CELSR1: variants seen among roughly 807,000 people sequenced by gnomAD.
The protein encoded by CELSR1 is cadherin EGF LAG seven-pass G-type receptor 1.
In CELSR1, 110 loss-of-function variants were observed where a neutral mutation model predicts 249.1. The observed-to-expected ratio is 0.44, with a 90% CI of 0.38 to 0.52. The LOEUF (loss-of-function observed/expected upper bound fraction) is 0.52, where lower values mean the gene tolerates loss of function less well. Among genes scored for constraint, CELSR1 ranks in the 20% least tolerant of loss-of-function variants. CELSR1 has a pLI of 0.00. For missense variants in CELSR1, 4,109 were observed against 4,296.4 expected (o/e 0.96, Z 1.22); for synonymous variants, 2,113 against 1,900.0 (o/e 1.11, Z -2.92).
chr22:46,371,898 TCTCCATCCCTCCATCCAC>T (rs2078855992), intron 25 of CELSR1, among the ~76,000 whole-genome samples: 1 of 114,478 alleles, frequency 8.7e-6, no homozygotes, highest in African/African-American at 3.9e-5. Flanking sequence ...TCCACCCACC[TCTCCATCCCTCCATCCAC>T]CCACCCACCC....
chr22:46,427,625 C>A lies in CELSR1; in HGVS notation c.4611+5768G>T, dbSNP rs765454627. On this transcript the variant is annotated intron_variant, in intron 5 of 34. Transcript: ENST00000674500. This position sits in a 1 kb window ranked among gnomAD's most constrained non-coding sequence, Gnocchi z 4.2. ...CTCCTCCCCTCATCACCGCACAGAA[C>A]CCCACCGCACTGTTGGCAATGGTTG... Among the ~76,000 whole-genome samples, 1 of 152,192 alleles carries A rather than the reference C, an allele frequency of 6.6e-6. No individual in the cohort carries two copies.
chr22:46,481,392 G>A, intron 1 of CELSR1: 1 of 1,104,806 alleles, frequency 9.1e-7, no homozygotes, highest in South Asian at 1.3e-5. Context: ...GGTGCATGTG[G>A]TCATCCACAC....
chr22:46,401,527 G>A lies in CELSR1; in HGVS notation c.5227-1625C>T, dbSNP rs779157296. 8.5e-5 allele frequency among the ~76,000 whole-genome samples: 13 copies of A among 152,288 alleles called. No individual in the cohort carries two copies. Among genetic ancestry groups the A allele is most frequent in the South Asian group, 8.3e-4 (4 of 4,828 alleles). On this transcript the variant is annotated intron_variant, in intron 9 of 34. Transcript: ENST00000674500. The surrounding 1 kb of genome is among the most constrained non-coding windows in gnomAD (Gnocchi z 4.7). Reference sequence around the variant, plus strand: ...CTGGAAGACACAGTGGAGGCTGAGCGTGCAGTCAGGTCACGGCTGCCAGGT... The same window carrying A: ...CTGGAAGACACAGTGGAGGCTGAGCATGCAGTCAGGTCACGGCTGCCAGGT...
intron 1 of CELSR1, chr22:46,530,443 A>G (rs2080780475): frequency 6.6e-6 from 1 of 151,984 alleles, no homozygotes; most frequent in Non-Finnish European, 1.5e-5. Context: ...ACTGTCCAGA[A>G]AGAAGGCAGA....
In CELSR1 at chr22:46,445,207, A is replaced by G. The variant is rs780217317; in HGVS notation, c.4184-5796T>C. Among the ~76,000 whole-genome samples the G allele has an allele frequency of 6.8e-6, 1 of 147,980 alleles. No homozygotes were observed. Among genetic ancestry groups the G allele is most frequent in the South Asian group, 2.2e-4 (1 of 4,594 alleles). On this transcript the variant is annotated intron_variant, in intron 2 of 34. Coordinates refer to ENST00000674500, the MANE Select transcript of CELSR1 (RefSeq NM_001378328.1). This position sits in a 1 kb window ranked among gnomAD's most constrained non-coding sequence, Gnocchi z 4.4. ...GCGAAACTCCACCTCAAAAATAAAA[A>G]ATAAGGCTGGGTGTAGTGGCTCAGG...
rs1157544819 is a variant in CELSR1 at position 46,526,025 on chromosome 22, A to G, written c.3544+7602T>C. Among the ~76,000 whole-genome samples, 1 of 152,188 alleles carries G rather than the reference A, an allele frequency of 6.6e-6. No homozygotes were observed. The highest frequency in any genetic ancestry group is 1.5e-5 in the Non-Finnish European group (1 of 68,026). ...CCTAGACTTTTAAAAATGGTCTCTC[A>G]ACACCCTGGTCGGTACATGGGGCCA... On this transcript the variant is annotated intron_variant, in intron 1 of 34. Coordinates refer to ENST00000674500, the MANE Select transcript of CELSR1 (RefSeq NM_001378328.1). The surrounding 1 kb of genome is among the most constrained non-coding windows in gnomAD (Gnocchi z 4.7).
At chr22:46,508,858 G>A (rs897551487) in intron 1 of CELSR1, among the ~76,000 whole-genome samples, 15 of 152,158 alleles carry the variant, frequency 9.9e-5, no homozygotes, top group African/African-American at 3.4e-4. Context: ...GGGAAACTGG[G>A]CCCCGGGGAC....
rs1006791705 is a variant in CELSR1, at chr22:46,374,256, T to G, written c.7585-1199A>C. 6.6e-6 allele frequency among the ~76,000 whole-genome samples: 1 copy of G among 152,222 alleles called. No homozygotes were observed. The highest frequency in any genetic ancestry group is 2.4e-5 in the African/African-American group (1 of 41,468). ...AAAAGGAAGGGGGTGAGAAGGTTGG[T>G]TGGCTGGATGGCTGCTTCAAGTAAT... On this transcript the variant is annotated intron_variant, in intron 24 of 34. Transcript: ENST00000674500. This position sits in a 1 kb window ranked among gnomAD's most constrained non-coding sequence, Gnocchi z 4.3.
At position 46,384,516 on chromosome 22, in the gene CELSR1, C is replaced by T. The variant is rs187070308; in HGVS notation, c.6883+27G>A. The T allele has an allele frequency of 2.3e-5, 36 of 1,566,802 alleles. 1 individual carries two copies. In the East Asian group the frequency reaches 8.3e-4, roughly 36 times the overall value. ...CCCTGAACGCTGGGGACTCCGAGGG[C>T]AGCAGCAGGTTTCTAAGCGGTTTTA... is the stretch of plus-strand genomic sequence containing the variant. On this transcript the variant is annotated intron_variant, in intron 20 of 34. Coordinates refer to ENST00000674500, the MANE Select transcript of CELSR1 (RefSeq NM_001378328.1).
At chr22:46,489,378 T>C (rs1244965945) in intron 1 of CELSR1, among the ~76,000 whole-genome samples, 1 of 150,104 alleles carries the variant, frequency 6.7e-6, no homozygotes, top group African/African-American at 2.5e-5. Flanking sequence ...TGAGAAGAAA[T>C]TGCAATCCGT....
chr22:46,391,239 G>A lies in CELSR1; in HGVS notation c.6197C>T (p.Pro2066Leu). The A allele has an allele frequency of 1.2e-6, 2 of 1,613,726 alleles. No individual in the cohort carries two copies. Among genetic ancestry groups the A allele is most frequent in the Non-Finnish European group, 1.7e-6 (2 of 1,180,008 alleles). ...PKAFEAGIWW[P>L]QTKFGQPAAV... ...AGCCGGCTGCCCGAACTTGGTCTGT[G>A]GCCACCAGATGCCGGCCTCAAATGC... Residue 2066 changes from proline to leucine, a missense_variant, in exon 16 of 35, where the codon CCA becomes CTA. Pro to Leu is a moderately conservative substitution (Grantham distance 98). This residue lies in a region of CELSR1 where 1,805 missense variants were observed against 1,831.6 expected (regional missense o/e 0.99). Coordinates refer to ENST00000674500, the MANE Select transcript of CELSR1 (RefSeq NM_001378328.1). The surrounding 1 kb of genome is among the most constrained non-coding windows in gnomAD (Gnocchi z 4.3).
chr22:46,535,884 G>T lies in CELSR1; in HGVS notation c.1287C>A (p.Ala429=). The change falls in exon 1 of 35, where the codon GCC becomes GCA. Residue 429 remains alanine (A), a synonymous_variant. Coordinates refer to ENST00000674500, the MANE Select transcript of CELSR1 (RefSeq NM_001378328.1). ...GGCCCGGATTGCGCCCCTGGTCGTT[G>T]GCCTCCACCAGGAGCTGGTACTCGG... ...EAAEYQLLVE[A]NDQGRNPGPL... 1 of 1,609,880 alleles carries T rather than the reference G, an allele frequency of 6.2e-7. No individual in the cohort carries two copies. Among genetic ancestry groups the T allele is most frequent in the South Asian group, 1.1e-5 (1 of 91,014 alleles).
rs1235196988 is a variant in CELSR1 at position 46,410,319 on chromosome 22, A to G, written c.4933+79T>C. On this transcript the variant is annotated intron_variant, in intron 7 of 34. Coordinates refer to ENST00000674500, the MANE Select transcript of CELSR1 (RefSeq NM_001378328.1). This position sits in a 1 kb window ranked among gnomAD's most constrained non-coding sequence, Gnocchi z 6.8. ...AAACACGGCTCCCCAGGGATCTGCA[A>G]GCAGTGACCTCTGTGTGGCTGCCGA... 2 of 1,542,056 alleles carry G rather than the reference A, an allele frequency of 1.3e-6. No individual in the cohort carries two copies. Among genetic ancestry groups the G allele is most frequent in the African/African-American group, 2.7e-5 (2 of 73,626 alleles).
Position 46,534,299 on chromosome 22 carries a change from G to A in CELSR1, c.2872C>T (p.Arg958Trp), listed in dbSNP as rs768496708. The part of the protein sequence containing the change: ...GVIRTQRRLD[R>W]ENVAVYNLWA... ...AGGTTGTACACGGCCACATTCTCCC[G>A]GTCCAGCCGGCGCTGGGTGCGAATC... is the stretch of plus-strand genomic sequence containing the variant. Residue 958 changes from arginine to tryptophan, a missense_variant, in exon 1 of 35, where the codon CGG (arginine) becomes TGG (tryptophan). This residue lies in a region of CELSR1 where 886 missense variants were observed against 896.5 expected (regional missense o/e 0.99). Coordinates refer to ENST00000674500, the MANE Select transcript of CELSR1 (RefSeq NM_001378328.1). The surrounding 1 kb of genome is among the most constrained non-coding windows in gnomAD (Gnocchi z 9.7). The A allele has an allele frequency of 1.2e-5, 19 of 1,613,130 alleles. No homozygotes were observed. The highest frequency in any genetic ancestry group is 1.5e-5 in the Non-Finnish European group (18 of 1,180,012).
chr22:46,417,069 T>C lies in CELSR1; in HGVS notation c.4612-5310A>G, dbSNP rs1337545772. Among the ~76,000 whole-genome samples, 1 of 152,208 alleles carries C rather than the reference T, an allele frequency of 6.6e-6. No homozygotes were observed. Among genetic ancestry groups the C allele is most frequent in the African/African-American group, 2.4e-5 (1 of 41,450 alleles). ...ACGTTCATATCAAAGAATTCACAGA[T>C]GGCTGGACCTCAGGAATGTCTGTAC... On this transcript the variant is annotated intron_variant, in intron 5 of 34. Coordinates refer to ENST00000674500, the MANE Select transcript of CELSR1 (RefSeq NM_001378328.1). The surrounding 1 kb of genome is among the most constrained non-coding windows in gnomAD (Gnocchi z 4.1).
At position 46,442,619 on chromosome 22, in the gene CELSR1, G is replaced by T. The variant is rs112420430; in HGVS notation, c.4184-3208C>A. 3.8e-3 allele frequency among the ~76,000 whole-genome samples: 577 copies of T among 152,352 alleles called. 3 individuals are homozygous for T. The highest frequency in any genetic ancestry group is 0.013 in the African/African-American group (549 of 41,592). On this transcript the variant is annotated intron_variant, in intron 2 of 34. Coordinates refer to ENST00000674500, the MANE Select transcript of CELSR1 (RefSeq NM_001378328.1). ...GATTTCAGTGAGTTCAGTCGTTTTA[G>T]GAAAGCCTGTCAATCCTCCAAGGGA...
rs773899714 is a variant in CELSR1 at position 46,365,665 on chromosome 22, G to A, written c.8325C>T (p.Gly2775=). ...TGCCCCTCACCAGCCCAGAGGACAC[G>A]CCGAGCTTCTGGATCCCTTCATCCC... ...IVRDEGIQKL[G]VSSGLVRGSH... Residue 2775 remains glycine (G), a synonymous_variant, in exon 31 of 35, where the codon GGC becomes GGT. Coordinates refer to ENST00000674500, the MANE Select transcript of CELSR1 (RefSeq NM_001378328.1). 7 of 1,582,916 alleles carry A rather than the reference G, an allele frequency of 4.4e-6. No individual in the cohort carries two copies. Among genetic ancestry groups the A allele is most frequent in the South Asian group, 3.5e-5 (3 of 86,590 alleles).
chr22:46,499,869 C>T (rs1015576891), intron 1 of CELSR1, among the ~76,000 whole-genome samples: 9 of 152,108 alleles, frequency 5.9e-5, no homozygotes, highest in Non-Finnish European at 7.3e-5. Context: ...ACCCCTCCAC[C>T]GTCTGCAAAC....
rs1475475062 is a variant in CELSR1 at position 46,380,002 on chromosome 22, C to T, written c.7256+786G>A. On this transcript the variant is annotated intron_variant, in intron 22 of 34. Coordinates refer to ENST00000674500, the MANE Select transcript of CELSR1 (RefSeq NM_001378328.1). This position sits in a 1 kb window ranked among gnomAD's most constrained non-coding sequence, Gnocchi z 5.1. ...AACCAGCAGAGAAAAGGCAAGCTCC[C>T]TGTAACGATAGAGCAACTCAAATGT... 1.3e-5 allele frequency among the ~76,000 whole-genome samples: 2 copies of T among 152,182 alleles called. No individual in the cohort carries two copies. Among genetic ancestry groups the T allele is most frequent in the African/African-American group, 4.8e-5 (2 of 41,448 alleles).
Sources: gnomAD v4.1 joint callset for allele counts (sites outside exome capture counted in the v4.1 genomes callset) on GRCh38, gnomAD v4.1.1 for gene constraint, gnomAD v4.1.1 regional missense constraint, Gnocchi (gnomAD v3.1) non-coding constraint, MANE v1.5 for transcripts, NCBI Gene and HGNC (gene_info 2026-07-23, HGNC 2026-07-21) for gene names.